The following VPS13B variants were observed in gnomAD, a reference collection of about 807,000 sequenced individuals.
The protein encoded by VPS13B is vacuolar protein sorting 13 homolog B.
VPS13B carries 285 observed loss-of-function variants against 426.4 expected under a neutral mutation model. The observed-to-expected ratio is 0.67, with a 90% confidence interval of 0.61 to 0.74. The LOEUF is 0.74. VPS13B is among the 30% of genes least tolerant of loss of function. The pLI is 0.00. For missense variants in VPS13B, 4,537 were observed against 4,782.6 expected (o/e 0.95, Z 1.51); for synonymous variants, 1,676 against 1,676.4 (o/e 1.00, Z 0.01).
At chr8:99,321,927 T>A (rs1810008209) in intron 19 of VPS13B, among the ~76,000 whole-genome samples, 1 of 152,224 alleles carries the variant, frequency 6.6e-6, no homozygotes, top group Non-Finnish European at 1.5e-5. Flanking sequence ...GAGACTTTTG[T>A]TTTCTTTTAG....
intron 61 of VPS13B, among the ~76,000 whole-genome samples, chr8:99,874,828 A>T (rs1817610307): frequency 6.6e-6 from 1 of 152,140 alleles, no homozygotes. Flanking sequence ...TTCCATAAAA[A>T]TTTCCCCTTC....
At position 99,809,418 on chromosome 8, in the gene VPS13B, C is replaced by T. The variant is rs1813585665; in HGVS notation, c.7985C>T (p.Ser2662Leu). 6.2e-7 allele frequency: 1 copy of T among 1,613,802 alleles called. No individual in the cohort carries two copies. Residue 2662 changes from serine to leucine, a missense_variant, in exon 44 of 62, where the codon TCA (serine) becomes TTA (leucine). Around this residue, in one of 2 missense-constraint regions of VPS13B, gnomAD observed 4,311 missense variants for 4,474.3 expected, o/e 0.96. Coordinates refer to ENST00000357162, the MANE Select transcript of VPS13B (RefSeq NM_152564.5). ...CIEGWGNWRW[S>L]EPFSVDHAGT... ...GAAGGTTGGGGCAACTGGCGTTGGT[C>T]AGAGCCTTTCAGTGTGGACCATGCC...
At chr8:99,427,415 A>T (rs1461726655) in intron 21 of VPS13B, among the ~76,000 whole-genome samples, 1 of 148,730 alleles carries the variant, frequency 6.7e-6, no homozygotes, top group Non-Finnish European at 1.5e-5. Flanking sequence ...TTGGTTCCAT[A>T]TGAACTTTAA....
At chr8:99,573,588 T>G (rs1016103887) in intron 31 of VPS13B, among the ~76,000 whole-genome samples, 1 of 152,244 alleles carries the variant, frequency 6.6e-6, no homozygotes, top group Non-Finnish European at 1.5e-5. Context: ...TTTGTCAGGT[T>G]TGTCAAAGAT....
At chr8:99,315,337 CT>C (rs57818188) in intron 19 of VPS13B, among the ~76,000 whole-genome samples, 120,613 of 146,956 alleles carry the variant, frequency 0.82, 49,753 homozygotes, top group South Asian at 0.88. Context: ...TTCTCTCTCT[CT>C]TTTTTTTTTT....
chr8:99,483,197 T>C (rs572004476), intron 25 of VPS13B, among the ~76,000 whole-genome samples: 4 of 152,268 alleles, frequency 2.6e-5, no homozygotes, highest in African/African-American at 9.6e-5. Context: ...TTTAACCCCC[T>C]GTACAAGCAA....
chr8:99,050,548 C>T (rs1843485091), intron 3 of VPS13B, among the ~76,000 whole-genome samples: 1 of 152,064 alleles, frequency 6.6e-6, no homozygotes, highest in Admixed American at 6.6e-5. Flanking sequence ...GGGCATATAC[C>T]AAGTAATGGA....
chr8:99,484,694 T>C (rs1820210532), intron 25 of VPS13B, among the ~76,000 whole-genome samples: 1 of 152,088 alleles, frequency 6.6e-6, no homozygotes, highest in Admixed American at 6.6e-5. Flanking sequence ...AATCTACCTG[T>C]AAATATTTTT....
At chr8:99,663,884 A>T (rs112743530) in intron 35 of VPS13B, among the ~76,000 whole-genome samples, 196 of 152,346 alleles carry the variant, frequency 1.3e-3, no homozygotes, top group African/African-American at 4.5e-3. Flanking sequence ...GTTGATGGTA[A>T]ATTAGATACA....
At chr8:99,546,448 C>T (rs1005106456) in intron 30 of VPS13B, among the ~76,000 whole-genome samples, 2 of 151,830 alleles carry the variant, frequency 1.3e-5, no homozygotes, top group African/African-American at 4.8e-5. Context: ...AGAACGTAGG[C>T]GACAAGAGGG....
Position 99,854,151 on chromosome 8 carries a change from CCTCT to C in VPS13B, c.10766_10769del (p.Leu3589ProfsTer36), listed in dbSNP as rs386834056. ...GCTGTACATAGCCTCAGACCACACT[CCTCT>C]CTCCTTCTCGGTGTTTGAAAGAGGA... On this transcript the variant is annotated frameshift_variant, in exon 56 of 62. Coordinates refer to ENST00000357162, the MANE Select transcript of VPS13B (RefSeq NM_152564.5). LOFTEE classifies it high-confidence loss of function. The C allele has an allele frequency of 1.4e-5, 22 of 1,613,808 alleles. No homozygotes were observed.
At chr8:99,048,416 C>T (rs1014748721) in intron 3 of VPS13B, among the ~76,000 whole-genome samples, 2 of 152,158 alleles carry the variant, frequency 1.3e-5, no homozygotes, top group Non-Finnish European at 2.9e-5. Context: ...GACTTTCTGT[C>T]GTGATAACCT....
chr8:99,165,428 A>G (rs919236671), intron 15 of VPS13B, among the ~76,000 whole-genome samples: 1 of 152,188 alleles, frequency 6.6e-6, no homozygotes, highest in African/African-American at 2.4e-5. Flanking sequence ...TTGAGTAGCT[A>G]AGAGTTTCAA....
At chr8:99,619,237 C>T (rs1387816152) in intron 33 of VPS13B, among the ~76,000 whole-genome samples, 1 of 152,058 alleles carries the variant, frequency 6.6e-6, no homozygotes, top group Non-Finnish European at 1.5e-5. Flanking sequence ...GTTTCTGAAC[C>T]AAAGGAAAGG....
intron 33 of VPS13B, among the ~76,000 whole-genome samples, chr8:99,593,324 A>T (rs1826790782): frequency 6.6e-6 from 1 of 152,090 alleles, no homozygotes; most frequent in Non-Finnish European, 1.5e-5. Context: ...AGGATCACTG[A>T]TCATTAGAGA....
At chr8:99,752,976 T>C (rs76908295) in intron 39 of VPS13B, among the ~76,000 whole-genome samples, 5,668 of 152,246 alleles carry the variant, frequency 0.037, 115 homozygotes, top group East Asian at 0.047. Context: ...TGAAAAAGCT[T>C]CCTGGGCTCT....
intron 39 of VPS13B, among the ~76,000 whole-genome samples, chr8:99,735,315 A>G (rs1833778926): frequency 6.6e-6 from 1 of 152,182 alleles, no homozygotes; most frequent in African/African-American, 2.4e-5. Context: ...GTGTGACTTT[A>G]TTTGGAAGTA....
chr8:99,868,899 C>G (rs549460091), intron 59 of VPS13B, among the ~76,000 whole-genome samples: 22 of 152,272 alleles, frequency 1.4e-4, no homozygotes, highest in Admixed American at 6.5e-4. Context: ...GCCTTCTCAC[C>G]CACAGAGGAC....
intron 8 of VPS13B, chr8:99,121,655 A>G (rs1288300129): frequency 2.3e-6 from 3 of 1,313,080 alleles, no homozygotes; most frequent in African/African-American, 1.5e-5. Context: ...CATTCTCCAC[A>G]TTTCTTTTTT....
Sources: gnomAD v4.1 joint callset for allele counts (sites outside exome capture counted in the v4.1 genomes callset) on GRCh38, gnomAD v4.1.1 for gene constraint, gnomAD v4.1.1 regional missense constraint, MANE v1.5 for transcripts, NCBI Gene and HGNC (gene_info 2026-07-23, HGNC 2026-07-21) for gene names.